The following CXCL13 variants were observed in gnomAD, a reference collection of about 807,000 sequenced individuals.
CXCL13 encodes C-X-C motif chemokine 13.
A neutral mutation model predicts 12.2 loss-of-function variants in CXCL13; 7 were observed. That is an observed-to-expected ratio of 0.57 (90% CI 0.33 to 1.07). The LOEUF is 1.07. Ranked by LOEUF, CXCL13 falls within the 50% of genes least tolerant of loss-of-function variation. CXCL13 has a pLI of 0.04. For synonymous variants in CXCL13, 47 were observed against 42.4 expected (o/e 1.11, Z -0.42); for missense variants, 113 against 127.4 (o/e 0.89, Z 0.55).
intron 1 of CXCL13, among the ~76,000 whole-genome samples, chr4:77,539,737 T>C (rs1002260967): frequency 6.6e-6 from 1 of 152,202 alleles, no homozygotes; most frequent in Non-Finnish European, 1.5e-5. Context: ...TTCAGGTGTT[T>C]ATATTTATTA....
intron 1 of CXCL13, among the ~76,000 whole-genome samples, chr4:77,586,407 G>A (rs1726460175): frequency 6.6e-6 from 1 of 152,134 alleles, no homozygotes; most frequent in African/African-American, 2.4e-5. Context: ...CTTTGCTGAA[G>A]TTTGCTATAT....
chr4:77,572,650 T>C (rs1396729040), intron 1 of CXCL13, among the ~76,000 whole-genome samples: 18 of 151,886 alleles, frequency 1.2e-4, no homozygotes, highest in Non-Finnish European at 7.3e-5. Context: ...GATAAATTAG[T>C]TCAACCATTG....
chr4:77,572,229 C>T (rs1178103409), intron 1 of CXCL13, among the ~76,000 whole-genome samples: 1 of 151,770 alleles, frequency 6.6e-6, no homozygotes, highest in Non-Finnish European at 1.5e-5. Context: ...GGTGAAATTC[C>T]ATCTCCCCTA....
At chr4:77,512,833 GT>G (rs1220670035) in intron 1 of CXCL13, among the ~76,000 whole-genome samples, 4 of 151,984 alleles carry the variant, frequency 2.6e-5, no homozygotes, top group Non-Finnish European at 4.4e-5. Flanking sequence ...CAATGTGCAG[GT>G]TTCATACATA....
intron 1 of CXCL13, among the ~76,000 whole-genome samples, chr4:77,532,908 C>G (rs970515232): frequency 6.6e-6 from 1 of 152,108 alleles, no homozygotes; most frequent in African/African-American, 2.4e-5. Flanking sequence ...AAGGAGTTCT[C>G]TGCATTGATT....
chr4:77,532,502 G>C (rs1029942684), intron 1 of CXCL13, among the ~76,000 whole-genome samples: 3 of 151,964 alleles, frequency 2.0e-5, no homozygotes, highest in Non-Finnish European at 4.4e-5. Flanking sequence ...TTCAACTTTG[G>C]TGAATCTGAC....
At chr4:77,517,106 G>A (rs1162798361) in intron 1 of CXCL13, among the ~76,000 whole-genome samples, 1 of 152,120 alleles carries the variant, frequency 6.6e-6, no homozygotes, top group African/African-American at 2.4e-5. Context: ...TTTCCATATA[G>A]TTGAGTGGTT....
At chr4:77,535,609 A>G (rs1578041969) in intron 1 of CXCL13, among the ~76,000 whole-genome samples, 1 of 151,990 alleles carries the variant, frequency 6.6e-6, no homozygotes, top group East Asian at 1.9e-4. Context: ...ATGTGCATCC[A>G]CCTGCTTCTT....
At chr4:77,526,150 T>A (rs189274556) in intron 1 of CXCL13, among the ~76,000 whole-genome samples, 10 of 152,222 alleles carry the variant, frequency 6.6e-5, no homozygotes, top group Admixed American at 1.3e-4. Flanking sequence ...AGTTGGTATA[T>A]CTTTGGATCA....
chr4:77,522,900 C>A (rs1461077944), intron 1 of CXCL13, among the ~76,000 whole-genome samples: 1 of 152,008 alleles, frequency 6.6e-6, no homozygotes, highest in Non-Finnish European at 1.5e-5. Context: ...GTAAGGCAGG[C>A]CTGGTGGTGA....
chr4:77,574,781 A>G (rs1399434584), intron 1 of CXCL13, among the ~76,000 whole-genome samples: 1 of 151,910 alleles, frequency 6.6e-6, no homozygotes, highest in Admixed American at 6.5e-5. Flanking sequence ...TGTGATGTCT[A>G]TAACAAGGAG....
chr4:77,561,964 G>C (rs949327504), intron 1 of CXCL13, among the ~76,000 whole-genome samples: 8 of 152,222 alleles, frequency 5.3e-5, no homozygotes, highest in African/African-American at 1.9e-4. Flanking sequence ...TGTGGGCTTG[G>C]TGGGCCCTGC....
intron 1 of CXCL13, among the ~76,000 whole-genome samples, chr4:77,535,082 G>C (rs994793056): frequency 6.6e-6 from 1 of 152,174 alleles, no homozygotes; most frequent in Non-Finnish European, 1.5e-5. Context: ...AATTCACAGT[G>C]TCCTCACAAT....
chr4:77,518,666 C>G (rs1229580965), intron 1 of CXCL13, among the ~76,000 whole-genome samples: 1 of 152,168 alleles, frequency 6.6e-6, no homozygotes, highest in African/African-American at 2.4e-5. Flanking sequence ...AAGCACTTCT[C>G]TATATTGGTT....
intron 1 of CXCL13, among the ~76,000 whole-genome samples, chr4:77,581,379 T>G (rs1726330723): frequency 6.6e-6 from 1 of 152,232 alleles, no homozygotes; most frequent in Non-Finnish European, 1.5e-5. Flanking sequence ...TAACGTTGTT[T>G]AAAACAGTTG....
chr4:77,551,596 G>A (rs1014293145), intron 1 of CXCL13, among the ~76,000 whole-genome samples: 4 of 152,074 alleles, frequency 2.6e-5, no homozygotes, highest in East Asian at 3.9e-4. Flanking sequence ...GATGACACTC[G>A]TTTTGTATAG....
intron 1 of CXCL13, among the ~76,000 whole-genome samples, chr4:77,581,943 A>G (rs1726343461): frequency 6.6e-6 from 1 of 151,926 alleles, no homozygotes; most frequent in Admixed American, 6.6e-5. Context: ...CTCTACTGAA[A>G]CTCTTCTATT....
chr4:77,525,507 G>C (rs950507282), intron 1 of CXCL13, among the ~76,000 whole-genome samples: 8 of 152,050 alleles, frequency 5.3e-5, no homozygotes, highest in Non-Finnish European at 1.2e-4. Flanking sequence ...GGGTGGAAGT[G>C]TTGTTAGTAT....
intron 1 of CXCL13, among the ~76,000 whole-genome samples, chr4:77,549,710 G>A (rs1299671271): frequency 6.6e-6 from 1 of 152,196 alleles, no homozygotes. Context: ...TCCTCTGGAA[G>A]CTTCATCTCA....
Sources: allele counts gnomAD v4.1 joint callset (sites outside exome capture counted in the v4.1 genomes callset), GRCh38; gene constraint gnomAD v4.1.1; transcripts MANE v1.5; gene names NCBI Gene and HGNC (gene_info 2026-07-23, HGNC 2026-07-21).